NEK11: variants seen among roughly 807,000 people sequenced by gnomAD.
NEK11 encodes the protein serine/threonine-protein kinase Nek11.
In NEK11, 72 loss-of-function variants were observed where a neutral mutation model predicts 80.7. The observed-to-expected ratio is 0.89, with a 90% CI of 0.74 to 1.08. The LOEUF (loss-of-function observed/expected upper bound fraction) is 1.08. NEK11 is among the 50% of genes least tolerant of loss of function. The probability of loss-of-function intolerance (pLI) is 0.00; values close to 1 mark genes in which losing one functional copy is unlikely to be tolerated. For synonymous variants in NEK11, 251 were observed against 260.7 expected, an observed-to-expected ratio of 0.96 and a Z score of 0.36; for missense variants, 764 against 763.6, an observed-to-expected ratio of 1.00 and a Z score of -0.01.
At chr3:131,168,253 A>AATGC (rs2092401690) in intron 12 of NEK11, among the ~76,000 whole-genome samples, 1 of 152,180 alleles carries the variant, frequency 6.6e-6, no homozygotes, top group Non-Finnish European at 1.5e-5. Flanking sequence ...TCAAACTTGA[A>AATGC]ATGCACCTTG....
At chr3:131,314,805 T>C (rs1024400084) in intron 17 of NEK11, among the ~76,000 whole-genome samples, 2 of 152,380 alleles carry the variant, frequency 1.3e-5, no homozygotes, top group East Asian at 3.9e-4. Flanking sequence ...CAAGCCTTTC[T>C]AAGCTCCCAT....
intron 4 of NEK11, among the ~76,000 whole-genome samples, chr3:131,081,924 T>A (rs1421209849): frequency 1.3e-5 from 2 of 152,220 alleles, no homozygotes; most frequent in Non-Finnish European, 2.9e-5. Context: ...TTAGCTGATG[T>A]ATCACCCAAA....
intron 3 of NEK11, among the ~76,000 whole-genome samples, chr3:131,044,422 C>CAAAAAAA (rs57412173): frequency 1.9e-4 from 7 of 37,762 alleles, no homozygotes; most frequent in African/African-American, 3.0e-4. Context: ...AAATGGAAAG[C>CAAAAAAA]AAAAAAAAAA....
chr3:131,219,572 G>T (rs375471776), intron 14 of NEK11, among the ~76,000 whole-genome samples: 1 of 151,594 alleles, frequency 6.6e-6, no homozygotes, highest in African/African-American at 2.4e-5. Context: ...AAAAAAAGAG[G>T]AATAAGAGAT....
intron 14 of NEK11, among the ~76,000 whole-genome samples, chr3:131,211,094 T>C (rs2094598074): frequency 6.6e-6 from 1 of 152,192 alleles, no homozygotes; most frequent in Non-Finnish European, 1.5e-5. Context: ...TTTGGCATGT[T>C]TTTGCAGTGG....
At chr3:131,251,760 A>G (rs995349713) in intron 16 of NEK11, among the ~76,000 whole-genome samples, 2 of 152,054 alleles carry the variant, frequency 1.3e-5, no homozygotes, top group Admixed American at 6.6e-5. Context: ...TCTTATGACT[A>G]TGATGACCTC....
chr3:131,084,405 T>A (rs2149071844), intron 4 of NEK11, among the ~76,000 whole-genome samples: 1 of 152,368 alleles, frequency 6.6e-6, no homozygotes, highest in African/African-American at 2.4e-5. Context: ...AAATATTGAA[T>A]CCTTCTACCT....
chr3:131,139,510 A>G (rs763664693), intron 7 of NEK11, among the ~76,000 whole-genome samples: 1 of 152,130 alleles, frequency 6.6e-6, no homozygotes, highest in Non-Finnish European at 1.5e-5. Context: ...TCCTGAATCT[A>G]GAAAAAGATA....
chr3:131,030,002 G>A, intron 3 of NEK11, 124 bp downstream of exon 3: 2 of 838,948 alleles, frequency 2.4e-6, no homozygotes, highest in East Asian at 2.6e-5. Context: ...CACTGTGGGT[G>A]GCCAAGGTTG....
chr3:131,278,062 CTGTT>C (rs1226649046), intron 17 of NEK11, among the ~76,000 whole-genome samples: 1 of 152,188 alleles, frequency 6.6e-6, no homozygotes, highest in Non-Finnish European at 1.5e-5. Flanking sequence ...AGTGAAGCAG[CTGTT>C]TGTTAAGACA....
chr3:131,286,617 T>A (rs144321728), intron 17 of NEK11, among the ~76,000 whole-genome samples: 2 of 152,362 alleles, frequency 1.3e-5, no homozygotes, highest in East Asian at 3.9e-4. Flanking sequence ...TACTACAGGC[T>A]AAGCAGGAAG....
At chr3:131,045,935 CT>C (rs2067317046) in intron 3 of NEK11, among the ~76,000 whole-genome samples, 1 of 152,122 alleles carries the variant, frequency 6.6e-6, no homozygotes, top group Non-Finnish European at 1.5e-5. Context: ...CTCCTCCTTG[CT>C]TTTGGTGCCC....
intron 3 of NEK11, among the ~76,000 whole-genome samples, chr3:131,062,171 A>G (rs1184374605): frequency 2.0e-5 from 3 of 152,176 alleles, no homozygotes; most frequent in African/African-American, 7.2e-5. Context: ...AAGGAACACG[A>G]TTTAGGGTGA....
intron 17 of NEK11, among the ~76,000 whole-genome samples, chr3:131,277,860 G>A (rs760525635): frequency 5.9e-5 from 9 of 152,190 alleles, no homozygotes; most frequent in Non-Finnish European, 1.2e-4. Context: ...TCATAGAGTT[G>A]TTGTTAGGGT....
intron 16 of NEK11, among the ~76,000 whole-genome samples, chr3:131,266,775 C>G (rs1309560915): frequency 6.6e-6 from 1 of 152,032 alleles, no homozygotes; most frequent in Non-Finnish European, 1.5e-5. Flanking sequence ...AATTTTCTGT[C>G]TCATTGATCT....
At position 131,120,646 on chromosome 3, in the gene NEK11, C is replaced by T. The variant is rs376100747; in HGVS notation, c.455+10725C>T. On this transcript the variant is annotated intron_variant, in intron 5 of 17. Coordinates refer to ENST00000383366, the MANE Select transcript of NEK11 (RefSeq NM_024800.5). ...GATGTAGATTTGGTGTTTTCACATACTCCTATATTTCTTGGAGTCTTTGTT... is the reference window on the plus strand; with the variant it reads ...GATGTAGATTTGGTGTTTTCACATATTCCTATATTTCTTGGAGTCTTTGTT... 1.7e-4 allele frequency among the ~76,000 whole-genome samples: 26 copies of T among 152,200 alleles called. No individual in the cohort carries two copies. In the South Asian group the frequency reaches 5.0e-3, roughly 29 times the overall value.
At position 131,349,800 on chromosome 3, in the gene NEK11, G is replaced by T; in HGVS notation, c.*24G>T. On this transcript the variant is annotated 3_prime_UTR_variant, in exon 18 of 18. Transcript: ENST00000383366. ...AGGCAACTATCAAAAAGAAGCAGAA[G>T]TTCAAGTGGACAAATTTATGTGAAA... 1 of 1,556,736 alleles carries T rather than the reference G, an allele frequency of 6.4e-7. No homozygotes were observed. Among genetic ancestry groups the T allele is most frequent in the Non-Finnish European group, 8.8e-7 (1 of 1,130,476 alleles).
At chr3:131,196,249 T>C (rs2094004352) in intron 14 of NEK11, among the ~76,000 whole-genome samples, 1 of 152,076 alleles carries the variant, frequency 6.6e-6, no homozygotes, top group South Asian at 2.1e-4. Flanking sequence ...TATATACAAA[T>C]GCATTGTTTT....
In NEK11 at chr3:131,289,055, A is replaced by G. The variant is rs563768757; in HGVS notation, c.1718+15481A>G. Among the ~76,000 whole-genome samples the G allele has an allele frequency of 1.5e-4, 23 of 152,340 alleles. No homozygotes were observed. The East Asian group carries it at 4.2e-3, about 28-fold the overall frequency. Reference sequence around the variant, plus strand: ...GTTGCCATAACAAAGTACCATAACCAAGTTGCTTAAACAACAGAAATATAT... The same window carrying G: ...GTTGCCATAACAAAGTACCATAACCGAGTTGCTTAAACAACAGAAATATAT... On this transcript the variant is annotated intron_variant, in intron 17 of 17. Coordinates refer to ENST00000383366, the MANE Select transcript of NEK11 (RefSeq NM_024800.5).
Sources: gnomAD v4.1 joint callset for allele counts (sites outside exome capture counted in the v4.1 genomes callset) on GRCh38, gnomAD v4.1.1 for gene constraint, MANE v1.5 for transcripts, NCBI Gene and HGNC (gene_info 2026-07-23, HGNC 2026-07-21) for gene names.